TYK2: variants seen among roughly 807,000 people sequenced by gnomAD.
The protein encoded by TYK2 is non-receptor tyrosine-protein kinase TYK2.
In TYK2, 65 loss-of-function variants were observed where a neutral mutation model predicts 130.9. That is an observed-to-expected ratio of 0.50 (90% CI 0.41 to 0.61). The LOEUF is 0.61. Ranked by LOEUF, TYK2 falls within the 20% of genes least tolerant of loss-of-function variation. The pLI, the probability that TYK2 is intolerant of heterozygous loss-of-function variation, is 0.00. For synonymous variants in TYK2, 647 were observed against 658.9 expected (o/e 0.98, Z 0.28); for missense variants, 1,378 against 1,610.7 (o/e 0.86, Z 2.47).
chr19:10,364,630 T>C lies in TYK2; in HGVS notation c.1351A>G (p.Ile451Val). The C allele has an allele frequency of 6.2e-7, 1 of 1,613,706 alleles. No homozygotes were observed. The highest frequency in any genetic ancestry group is 2.2e-5 in the East Asian group (1 of 44,878). ...AGCACTCACAGCAGGGGTCCGTGGATCCCATCCCGGATGCTCATCACCAGC... is the reference window on the plus strand; with the variant it reads ...AGCACTCACAGCAGGGGTCCGTGGACCCCATCCCGGATGCTCATCACCAGC... ...PRLVMSIRDG[I>V]HGPLLEPFVQ... is the part of the protein sequence containing the mutation. The change falls in exon 9 of 25, where the codon ATC (isoleucine) becomes GTC (valine). Residue 451 changes from isoleucine (I) to valine (V), a missense_variant. Coordinates refer to ENST00000525621, the MANE Select transcript of TYK2 (RefSeq NM_003331.5). This position sits in a 1 kb window ranked among gnomAD's most constrained non-coding sequence, Gnocchi z 4.9.
At chr19:10,354,338 A>C (rs1599329614) in intron 19 of TYK2, 104 bp from the exon 20 acceptor site, 1 of 1,450,178 alleles carries the variant, frequency 6.9e-7, no homozygotes. Context: ...CTTTCGGAAT[A>C]CCCCAGGCCC....
intron 18 of TYK2, among the ~76,000 whole-genome samples, chr19:10,355,663 G>GAAA (rs200823010): frequency 8.1e-6 from 1 of 122,990 alleles, no homozygotes; most frequent in Non-Finnish European, 1.7e-5. Flanking sequence ...AAGAAAGAAA[G>GAAA]AAAAAAAAAA....
In TYK2 at chr19:10,370,407, C is replaced by T. The variant is rs77291073; in HGVS notation, c.194-1989G>A. Among the ~76,000 whole-genome samples, 786 of 146,640 alleles carry T rather than the reference C, an allele frequency of 5.4e-3. 12 individuals carry two copies. Among genetic ancestry groups the T allele is most frequent in the East Asian group, 0.033 (161 of 4,830 alleles). On this transcript the variant is annotated intron_variant, in intron 3 of 24. Coordinates refer to ENST00000525621, the MANE Select transcript of TYK2 (RefSeq NM_003331.5). ...GGTGCACCTTTAGTCCCAGCTACTCCGGAGGTTGACGCAGGACAATCGCTT... is the reference window on the plus strand; with the variant it reads ...GGTGCACCTTTAGTCCCAGCTACTCTGGAGGTTGACGCAGGACAATCGCTT...
intron 15 of TYK2, among the ~76,000 whole-genome samples, chr19:10,358,688 T>C (rs1599337902): frequency 6.6e-6 from 1 of 152,076 alleles, no homozygotes; most frequent in Non-Finnish European, 1.5e-5. Flanking sequence ...ACTCCTGACC[T>C]CAGGTGATCC....
At chr19:10,368,245 G>A (rs2145274613) in intron 4 of TYK2, 43 bp from the exon 5 acceptor site, 1 of 1,614,170 alleles carries the variant, frequency 6.2e-7, no homozygotes, top group East Asian at 2.2e-5. Flanking sequence ...CACAGAGTCA[G>A]ACCAGCTTCA....
chr19:10,364,743 G>A lies in TYK2; in HGVS notation c.1238C>T (p.Ala413Val), dbSNP rs138661716. 89 of 1,613,790 alleles carry A rather than the reference G, an allele frequency of 5.5e-5. No individual in the cohort carries two copies. The African/African-American group carries it at 6.7e-4, about 12-fold the overall frequency. Residue 413 changes from alanine (A) to valine (V), a missense_variant, in exon 9 of 25, where the codon GCG (alanine) becomes GTG (valine). Ala to Val is a moderately conservative substitution (Grantham distance 64). Transcript: ENST00000525621. This position sits in a 1 kb window ranked among gnomAD's most constrained non-coding sequence, Gnocchi z 4.9. ...GTCCACCAGCGACACGAAGGACAGC[G>A]CCGCAGCCCGGGAAGGCAAGCTCAG... ...LELSLPSRAA[A>V]LSFVSLVDGY...
intron 7 of TYK2, 21 bp from the exon 8 acceptor site, chr19:10,365,069 G>A: frequency 1.3e-6 from 2 of 1,590,654 alleles, no homozygotes; most frequent in Non-Finnish European, 1.7e-6. Flanking sequence ...AGCAAGTGGG[G>A]CAGAGGATGG....
intron 4 of TYK2, 21 bp downstream of exon 4, chr19:10,368,273 CT>C (rs1568340249): frequency 5.6e-6 from 9 of 1,614,168 alleles, no homozygotes; most frequent in Non-Finnish European, 6.8e-6. Context: ...AGGGGACGAG[CT>C]TTGCAAAGGT....
chr19:10,358,139 C>T lies in TYK2; in HGVS notation c.2176-1G>A. The T allele has an allele frequency of 6.2e-7, 1 of 1,605,208 alleles. No individual in the cohort carries two copies. On this transcript the variant is annotated splice_acceptor_variant, in intron 15 of 24. Coordinates refer to ENST00000525621, the MANE Select transcript of TYK2 (RefSeq NM_003331.5). LOFTEE classifies it high-confidence loss of function. ...TACCATGAACCAGGTTCTTGTTCTCCTGAGGTGGGCAGGAGAGGGGGTGTG... is the reference window on the plus strand; with the variant it reads ...TACCATGAACCAGGTTCTTGTTCTCTTGAGGTGGGCAGGAGAGGGGGTGTG...
At chr19:10,354,478 G>A (rs2040980065) in intron 19 of TYK2, 34 bp downstream of exon 19, 3 of 1,586,966 alleles carry the variant, frequency 1.9e-6, no homozygotes, top group East Asian at 2.2e-5. Context: ...TCCCGACCAG[G>A]CGGGCCTTTT....
At position 10,359,208 on chromosome 19, in the gene TYK2, C is replaced by T; in HGVS notation, c.2142G>A (p.Val714=). The T allele has an allele frequency of 1.2e-6, 2 of 1,607,440 alleles. No individual in the cohort carries two copies. Among genetic ancestry groups the T allele is most frequent in the Non-Finnish European group, 1.7e-6 (2 of 1,179,900 alleles). ...GHVPMAWKMV[V]AQQLASALSY... ...TGAGGGCGCTGGCCAGCTGCTGGGC[C>T]ACCACCATCTTCCAAGCCATGGGCA... The change falls in exon 15 of 25, where the codon GTG becomes GTA. Residue 714 remains valine (V), a synonymous_variant. Coordinates refer to ENST00000525621, the MANE Select transcript of TYK2 (RefSeq NM_003331.5).
chr19:10,353,358 A>T lies in TYK2; in HGVS notation c.3027+170T>A. 1 of 579,372 alleles carries T rather than the reference A, an allele frequency of 1.7e-6. No homozygotes were observed. Among genetic ancestry groups the T allele is most frequent in the Non-Finnish European group, 3.0e-6 (1 of 337,290 alleles). The allele number at this position is 579,372 out of a possible 1,614,324, so 35.9% of individuals were successfully genotyped here. Reference sequence around the variant, plus strand: ...CGGCTGTGCGTGGTCCCTTGGGAGGAGGGGGTGTGGCCAAGCAAGCCAAAC... The same window carrying T: ...CGGCTGTGCGTGGTCCCTTGGGAGGTGGGGGTGTGGCCAAGCAAGCCAAAC... On this transcript the variant is annotated intron_variant, in intron 21 of 24. Transcript: ENST00000525621. This position sits in a 1 kb window ranked among gnomAD's most constrained non-coding sequence, Gnocchi z 6.9.
At chr19:10,357,221 T>C in intron 17 of TYK2, 1 of 471,530 alleles carries the variant, frequency 2.1e-6, no homozygotes. Flanking sequence ...AAACCCCATC[T>C]CTACAAAAAA....
intron 18 of TYK2, among the ~76,000 whole-genome samples, 179 bp downstream of exon 18, chr19:10,356,389 A>G (rs1428251052): frequency 1.3e-5 from 2 of 152,220 alleles, no homozygotes; most frequent in Non-Finnish European, 2.9e-5. Flanking sequence ...AAATAAATAA[A>G]TAAATACATT....
chr19:10,375,236 T>C (rs2042071600), intron 3 of TYK2, among the ~76,000 whole-genome samples: 1 of 151,402 alleles, frequency 6.6e-6, no homozygotes, highest in East Asian at 1.9e-4. Context: ...TTGATTACAA[T>C]GCCCCCATCC....
intron 23 of TYK2, among the ~76,000 whole-genome samples, chr19:10,352,216 C>T (rs2040841824): frequency 6.6e-6 from 1 of 151,870 alleles, no homozygotes; most frequent in Non-Finnish European, 1.5e-5. Context: ...GGACTACAGG[C>T]GCCCGCCACC....
intron 2 of TYK2, 77 bp from the exon 3 acceptor site, chr19:10,378,503 C>T: frequency 2.6e-6 from 3 of 1,172,372 alleles, no homozygotes; most frequent in Non-Finnish European, 3.7e-6. Flanking sequence ...TCCACCCACC[C>T]CAGCTAAGGC....
intron 14 of TYK2, among the ~76,000 whole-genome samples, 191 bp from the exon 15 acceptor site, chr19:10,359,493 C>T (rs567228639): frequency 9.9e-5 from 15 of 152,070 alleles, no homozygotes; most frequent in Admixed American, 3.3e-4. Context: ...GCAGAGGCAG[C>T]GGTGGATGAG....
intron 18 of TYK2, 49 bp from the exon 19 acceptor site, chr19:10,354,658 C>G (rs762281910): frequency 1.3e-6 from 2 of 1,498,648 alleles, no homozygotes; most frequent in Non-Finnish European, 1.9e-6. Context: ...CTTTCCCCAG[C>G]AGGCCCACAC....
Sources: allele counts gnomAD v4.1 joint callset (sites outside exome capture counted in the v4.1 genomes callset), GRCh38; gene constraint gnomAD v4.1.1; non-coding constraint Gnocchi (gnomAD v3.1); transcripts MANE v1.5; gene names NCBI Gene and HGNC (gene_info 2026-07-23, HGNC 2026-07-21).